MAGI1: variants seen among roughly 807,000 people sequenced by gnomAD.
MAGI1 encodes membrane associated guanylate kinase, WW and PDZ domain containing 1.
In MAGI1, 58 loss-of-function variants were observed where a neutral mutation model predicts 139.9. That is an observed-to-expected ratio of 0.41 (90% CI 0.34 to 0.52). The LOEUF (loss-of-function observed/expected upper bound fraction) is 0.52, where lower values mean the gene tolerates loss of function less well. MAGI1 is among the 20% of genes least tolerant of loss of function. The pLI, the probability that MAGI1 is intolerant of heterozygous loss-of-function variation, is 0.12. For synonymous variants in MAGI1, 812 were observed against 737.9 expected, an observed-to-expected ratio of 1.10 and a Z score of -1.63; for missense variants, 1,874 against 1,901.6, an observed-to-expected ratio of 0.99 and a Z score of 0.27.
intron 1 of MAGI1, among the ~76,000 whole-genome samples, chr3:65,656,429 T>C (rs1221451269): frequency 6.6e-6 from 1 of 152,220 alleles, no homozygotes; most frequent in East Asian, 1.9e-4. Flanking sequence ...AACCAAATTT[T>C]ATATGCCAAA....
intron 1 of MAGI1, among the ~76,000 whole-genome samples, chr3:65,746,844 A>G (rs1450083539): frequency 1.3e-5 from 2 of 152,234 alleles, no homozygotes; most frequent in Admixed American, 1.3e-4. Flanking sequence ...TCTCTGGGCT[A>G]GGAATACATA....
chr3:65,467,626 C>T lies in MAGI1; in HGVS notation c.959+2657G>A, dbSNP rs550124196. On this transcript the variant is annotated intron_variant, in intron 5 of 22. Transcript: ENST00000402939. ...TAAAAAGTAGGCAAATCACTACATT[C>T]TCTTGTAAGCCAGCCATAGTTTAGG... Among the ~76,000 whole-genome samples, 20 of 152,298 alleles carry T rather than the reference C, an allele frequency of 1.3e-4. No individual in the cohort carries two copies. In the South Asian group the frequency reaches 3.9e-3, roughly 30 times the overall value.
chr3:65,452,115 AGC>A, intron 6 of MAGI1, among the ~76,000 whole-genome samples: 1 of 182 alleles, frequency 5.5e-3, no homozygotes, highest in African/African-American at 0.021. Flanking sequence ...AATCAAACAA[AGC>A]AACCAAGATA....
At chr3:65,793,019 C>T (rs942137623) in intron 1 of MAGI1, among the ~76,000 whole-genome samples, 9 of 151,996 alleles carry the variant, frequency 5.9e-5, no homozygotes, top group Non-Finnish European at 1.0e-4. Flanking sequence ...ACTGGTTACT[C>T]ATAAGGCTGA....
chr3:65,661,719 C>A (rs911750717), intron 1 of MAGI1, among the ~76,000 whole-genome samples: 2 of 126,022 alleles, frequency 1.6e-5, no homozygotes, highest in South Asian at 5.6e-4. Context: ...CTTTGTATTT[C>A]TTTTTTTGTT....
rs1229021861 is a variant in MAGI1, at chr3:65,622,068, G to A, written c.334C>T (p.Leu112=). 6.2e-7 allele frequency: 1 copy of A among 1,613,696 alleles called. No individual in the cohort carries two copies. Residue 112 remains leucine, a synonymous_variant, in exon 2 of 23, where the codon CTG becomes TTG. Transcript: ENST00000402939. ...AATCGCTGATTGAGAAAATGTCGCA[G>A]GTCCTTGTTCAGCCTTCCTCCTGCA... The part of the protein sequence containing the change: ...VRQGGRLNKD[L]RHFLNQRFQK...
intron 2 of MAGI1, among the ~76,000 whole-genome samples, chr3:65,569,780 T>A (rs1264659495): frequency 6.6e-6 from 1 of 151,594 alleles, no homozygotes; most frequent in African/African-American, 2.4e-5. Flanking sequence ...GGGGGGCTGA[T>A]GGGAAGATCT....
chr3:65,579,964 A>G (rs931349851), intron 2 of MAGI1, among the ~76,000 whole-genome samples: 2 of 152,178 alleles, frequency 1.3e-5, no homozygotes, highest in East Asian at 3.9e-4. Flanking sequence ...TGATTAAAAA[A>G]TTATAACAAT....
chr3:65,572,727 T>A lies in MAGI1; in HGVS notation c.430+49245A>T, dbSNP rs531549802. On this transcript the variant is annotated intron_variant, in intron 2 of 22. Coordinates refer to ENST00000402939, the MANE Select transcript of MAGI1 (RefSeq NM_001033057.2). ...ATCCTTATTATCCTTATAACAATAT[T>A]GTCCCATAAGTATTATTATGTTCAT... 2.0e-5 allele frequency among the ~76,000 whole-genome samples: 3 copies of A among 152,210 alleles called. No homozygotes were observed. The East Asian group carries it at 5.8e-4, about 29-fold the overall frequency.
intron 2 of MAGI1, among the ~76,000 whole-genome samples, chr3:65,587,597 C>T (rs2081751856): frequency 6.7e-6 from 1 of 150,316 alleles, no homozygotes; most frequent in African/African-American, 2.5e-5. Context: ...CTCCCAGCTT[C>T]CACCTCTCAA....
At chr3:65,380,206 G>C in intron 16 of MAGI1, among the ~76,000 whole-genome samples, 1 of 152,192 alleles carries the variant, frequency 6.6e-6, no homozygotes, top group South Asian at 2.1e-4. Flanking sequence ...GTTACCATCA[G>C]ACTGCAAGGT....
At chr3:65,401,549 C>A (rs1208159206) in intron 12 of MAGI1, 79 bp from the exon 13 acceptor site, 19 of 1,568,978 alleles carry the variant, frequency 1.2e-5, no homozygotes, top group Non-Finnish European at 1.6e-5. Flanking sequence ...AAAGAACAAT[C>A]CCCAGGTGTT....
intron 1 of MAGI1, among the ~76,000 whole-genome samples, chr3:65,900,920 C>A (rs914853757): frequency 6.6e-6 from 1 of 152,096 alleles, no homozygotes; most frequent in African/African-American, 2.4e-5. Context: ...GACAGCCAGG[C>A]TCTGGGAAGC....
chr3:65,375,836 T>C lies in MAGI1; in HGVS notation c.3105A>G (p.Gly1035=). The change falls in exon 18 of 23, where the codon GGA becomes GGG. Residue 1035 remains glycine (G), a synonymous_variant. Transcript: ENST00000402939. ...KVGDRILAVN[G]CSITNKSHSD... is the part of the protein sequence containing the mutation. ...AATGGGATTTGTTGGTGATGGAACATCCATTTACTGCCAAGATCCGGTCTC... is the reference window on the plus strand; with the variant it reads ...AATGGGATTTGTTGGTGATGGAACACCCATTTACTGCCAAGATCCGGTCTC... 2 of 1,614,068 alleles carry C rather than the reference T, an allele frequency of 1.2e-6. No homozygotes were observed. Among genetic ancestry groups the C allele is most frequent in the Non-Finnish European group, 1.7e-6 (2 of 1,179,988 alleles).
intron 16 of MAGI1, among the ~76,000 whole-genome samples, chr3:65,380,559 A>G (rs1942962527): frequency 6.6e-6 from 1 of 152,140 alleles, no homozygotes; most frequent in African/African-American, 2.4e-5. Flanking sequence ...TTCTATCTCT[A>G]TAAATTTGAC....
rs2063185895 is a variant in MAGI1 at position 65,939,018 on chromosome 3, A to G, written c.313+98978T>C. On this transcript the variant is annotated intron_variant, in intron 1 of 22. Transcript: ENST00000402939. ...ACCTCAGCCACTAGAGTAAAACACT[A>G]GCACTAGTAATTCGTTTGCGCCCCC... is the stretch of plus-strand genomic sequence containing the variant. 2.6e-5 allele frequency among the ~76,000 whole-genome samples: 4 copies of G among 152,216 alleles called. No individual in the cohort carries two copies. The South Asian group carries it at 8.3e-4, about 31-fold the overall frequency.
rs571938875 is a variant in MAGI1 at position 65,801,489 on chromosome 3, C to T, written c.314-179401G>A. ...GAGATGAATAACCGTACTTGGATCA[C>T]TTAGCAGAAACAGCATTATAGGCCA... On this transcript the variant is annotated intron_variant, in intron 1 of 22. Coordinates refer to ENST00000402939, the MANE Select transcript of MAGI1 (RefSeq NM_001033057.2). Among the ~76,000 whole-genome samples, 6 of 152,274 alleles carry T rather than the reference C, an allele frequency of 3.9e-5. No homozygotes were observed. The South Asian group carries it at 1.2e-3, about 32-fold the overall frequency.
intron 2 of MAGI1, among the ~76,000 whole-genome samples, chr3:65,615,238 T>C (rs1179918951): frequency 2.6e-5 from 4 of 152,076 alleles, no homozygotes; most frequent in Non-Finnish European, 5.9e-5. Context: ...AAGGGGACTG[T>C]TAATAAATCA....
rs372229063 is a variant in MAGI1 at position 65,703,592 on chromosome 3, A to G, written c.314-81504T>C. ...CTGCCTCTTGGACACTGCTACTTGG[A>G]TATCTTGCAGTCATCTCAGACTCAA... On this transcript the variant is annotated intron_variant, in intron 1 of 22. Coordinates refer to ENST00000402939, the MANE Select transcript of MAGI1 (RefSeq NM_001033057.2). Among the ~76,000 whole-genome samples, 26 of 152,282 alleles carry G rather than the reference A, an allele frequency of 1.7e-4. No homozygotes were observed. The East Asian group carries it at 3.9e-3, about 23-fold the overall frequency.
Sources: allele counts gnomAD v4.1 joint callset (sites outside exome capture counted in the v4.1 genomes callset), GRCh38; gene constraint gnomAD v4.1.1; transcripts MANE v1.5; gene names NCBI Gene and HGNC (gene_info 2026-07-23, HGNC 2026-07-21).